Variants in GEMIN5 observed in about 807,000 individuals in gnomAD.
GEMIN5 encodes gem nuclear organelle associated protein 5.
Under a neutral mutation model 176.9 loss-of-function variants are expected in GEMIN5, and 124 were observed. The ratio of observed to expected loss-of-function variants is 0.70; its 90% confidence interval spans 0.61 to 0.81. GEMIN5 has a LOEUF of 0.81. Among genes scored for constraint, GEMIN5 ranks in the 40% least tolerant of loss-of-function variants. GEMIN5 has a pLI of 0.00. For missense variants in GEMIN5, 1,843 were observed against 1,814.6 expected, an observed-to-expected ratio of 1.02 and a Z score of -0.28; for synonymous variants, 673 against 665.2, an observed-to-expected ratio of 1.01 and a Z score of -0.18.
In GEMIN5 at chr5:154,899,303, T is replaced by C. The variant is rs1458076033; in HGVS notation, c.3022A>G (p.Ile1008Val). 6.2e-7 allele frequency: 1 copy of C among 1,610,752 alleles called. No individual in the cohort carries two copies. The highest frequency in any genetic ancestry group is 8.5e-7 in the Non-Finnish European group (1 of 1,178,384). ...LKSNHFYREA[I>V]AIAKARLRPE... ...CGCAGCCGGGCCTTGGCAATCGCAATAGCTTCCCTAAAGGCAAGAACAGAC... is the reference window on the plus strand; with the variant it reads ...CGCAGCCGGGCCTTGGCAATCGCAACAGCTTCCCTAAAGGCAAGAACAGAC... The change falls in exon 22 of 28, where the codon ATT (isoleucine) becomes GTT (valine). Residue 1008 changes from isoleucine (I) to valine (V), a missense_variant. Transcript: ENST00000285873.
chr5:154,907,754 C>G lies in GEMIN5; in HGVS notation c.2232G>C (p.Lys744Asn). The change falls in exon 16 of 28, where the codon AAG becomes AAC. Residue 744 changes from lysine to asparagine, a missense_variant. Coordinates refer to ENST00000285873, the MANE Select transcript of GEMIN5 (RefSeq NM_015465.5). ...LSQPKAKPKK[K>N]KKPTLRTPVK... ...CAGGAGTTCTCAAGGTGGGCTTTTT[C>G]TTCTTTTTGGGCTTTGCCTTAGGTT... The G allele has an allele frequency of 5.0e-6, 8 of 1,614,092 alleles. No individual in the cohort carries two copies. Among genetic ancestry groups the G allele is most frequent in the Non-Finnish European group, 6.8e-6 (8 of 1,180,006 alleles).
intron 13 of GEMIN5, among the ~76,000 whole-genome samples, chr5:154,914,904 T>C (rs113637815): frequency 4.7e-4 from 72 of 152,314 alleles, no homozygotes; most frequent in African/African-American, 1.6e-3. Flanking sequence ...ACATTAAAAA[T>C]TGTTGAATCT....
intron 26 of GEMIN5, among the ~76,000 whole-genome samples, chr5:154,890,944 C>T (rs1434104950): frequency 5.9e-5 from 9 of 151,644 alleles, no homozygotes; most frequent in East Asian, 1.9e-4. Flanking sequence ...TTAGTAGAGA[C>T]GGGGTTTCAC....
chr5:154,903,275 A>G (rs946675613), intron 18 of GEMIN5, 100 bp from the exon 19 acceptor site: 8 of 734,956 alleles, frequency 1.1e-5, no homozygotes, highest in Non-Finnish European at 1.9e-5. Flanking sequence ...CACCCACTTC[A>G]GACACTGAGA....
chr5:154,924,596 G>T, intron 8 of GEMIN5, 42 bp from the exon 9 acceptor site: 1 of 1,210,648 alleles, frequency 8.3e-7, no homozygotes, highest in Middle Eastern at 1.9e-4. Context: ...TAAGAAGTGG[G>T]GCATATAGTT....
In GEMIN5 at chr5:154,927,531, C is replaced by G; in HGVS notation, c.934G>C (p.Asp312His). The G allele has an allele frequency of 1.2e-6, 2 of 1,604,582 alleles. No homozygotes were observed. Among genetic ancestry groups the G allele is most frequent in the Non-Finnish European group, 1.7e-6 (2 of 1,172,398 alleles). ...TTCCGTCTCCAAGATTGAGTGAGATCCCATTGCAACAGTTCACCTCTGTGA... is the reference window on the plus strand; with the variant it reads ...TTCCGTCTCCAAGATTGAGTGAGATGCCATTGCAACAGTTCACCTCTGTGA... ...SCFGGELLQW[D>H]LTQSWRRKYT... Residue 312 changes from aspartate (D) to histidine (H), a missense_variant, in exon 7 of 28, where the codon GAT becomes CAT. Coordinates refer to ENST00000285873, the MANE Select transcript of GEMIN5 (RefSeq NM_015465.5).
At position 154,907,697 on chromosome 5, in the gene GEMIN5, T is replaced by C. The variant is rs1210844850; in HGVS notation, c.2289A>G (p.Glu763=). ...GTCCTGAGTTCTCCTTCATGCTTTC[T>C]TCTTCATTTCCATCAATCGATTCCA... is the stretch of plus-strand genomic sequence containing the variant. The part of the protein sequence containing the change: ...VKLESIDGNE[E]ESMKENSGPV... The change falls in exon 16 of 28, where the codon GAA becomes GAG. Residue 763 remains glutamate, a synonymous_variant. Transcript: ENST00000285873. 1.9e-6 allele frequency: 3 copies of C among 1,614,038 alleles called. No individual in the cohort carries two copies. In the African/African-American group the frequency reaches 4.0e-5, roughly 22 times the overall value.
chr5:154,913,949 T>A (rs1438669476), intron 13 of GEMIN5, among the ~76,000 whole-genome samples: 1 of 152,146 alleles, frequency 6.6e-6, no homozygotes, highest in East Asian at 1.9e-4. Context: ...TGTCATGAGC[T>A]ATAACTGCAC....
rs1763548705 is a variant in GEMIN5, at chr5:154,905,407, T to C, written c.2465A>G (p.Asn822Ser). The stretch of plus-strand genomic sequence containing the variant: ...CTCCTTTTTCAGTAAAATGACTTTG[T>C]TATTAATGGTGACTTTTGACTTTTC... ...GFEKSKVTIN[N>S]KVILLKKEPP... Residue 822 changes from asparagine to serine, a missense_variant, in exon 17 of 28, where the codon AAC becomes AGC. Asn to Ser is a conservative substitution (Grantham distance 46). Coordinates refer to ENST00000285873, the MANE Select transcript of GEMIN5 (RefSeq NM_015465.5). The C allele has an allele frequency of 2.2e-5, 36 of 1,609,448 alleles. No homozygotes were observed. The highest frequency in any genetic ancestry group is 4.0e-5 in the African/African-American group (3 of 74,872).
At chr5:154,919,790 T>G (rs1443104455) in intron 11 of GEMIN5, among the ~76,000 whole-genome samples, 177 bp downstream of exon 11, 1 of 152,224 alleles carries the variant, frequency 6.6e-6, no homozygotes, top group African/African-American at 2.4e-5. Context: ...TATTCGAGGA[T>G]AAAGACTCCT....
chr5:154,913,868 G>A (rs1763757381), intron 13 of GEMIN5, among the ~76,000 whole-genome samples: 1 of 152,058 alleles, frequency 6.6e-6, no homozygotes, highest in South Asian at 2.1e-4. Context: ...GGGCATGGTG[G>A]TATGTGCCTG....
Position 154,925,883 on chromosome 5 carries a change from G to A in GEMIN5, c.1272C>T (p.Gly424=), listed in dbSNP as rs1033659004. ...TTACCGCTGTAACCTTGGACTTCACGCCTTGCCAAAAATTTTTCACATCAT... is the reference window on the plus strand; with the variant it reads ...TTACCGCTGTAACCTTGGACTTCACACCTTGCCAAAAATTTTTCACATCAT... The part of the protein sequence containing the change: ...NNYDVKNFWQ[G]VKSKVTALCW... Residue 424 remains glycine, a synonymous_variant, in exon 8 of 28, where the codon GGC becomes GGT. Transcript: ENST00000285873. 11 of 1,610,638 alleles carry A rather than the reference G, an allele frequency of 6.8e-6. No individual in the cohort carries two copies. Among genetic ancestry groups the A allele is most frequent in the East Asian group, 2.2e-5 (1 of 44,880 alleles).
chr5:154,923,585 A>C (rs1305614660), intron 9 of GEMIN5, among the ~76,000 whole-genome samples: 1 of 152,208 alleles, frequency 6.6e-6, no homozygotes, highest in Non-Finnish European at 1.5e-5. Flanking sequence ...ATGTCCCAAT[A>C]AAATTTCACT....
chr5:154,892,595 G>A, intron 24 of GEMIN5, 46 bp from the exon 25 acceptor site: 1 of 1,575,380 alleles, frequency 6.3e-7, no homozygotes, highest in African/African-American at 1.3e-5. Flanking sequence ...TCCCACGGTA[G>A]GCGCAGAGGA....
chr5:154,928,733 AAC>A, intron 5 of GEMIN5, 74 bp from the exon 6 acceptor site: 6 of 1,350,892 alleles, frequency 4.4e-6, no homozygotes, highest in Non-Finnish European at 6.3e-6. Flanking sequence ...GGTGGTTCAT[AAC>A]ACACAGTCTG....
At position 154,917,060 on chromosome 5, in the gene GEMIN5, T is replaced by C. The variant is rs750747089; in HGVS notation, c.1793A>G (p.Tyr598Cys). ...ATTGTTGGAGCCAGAGGCCATCAGA[T>C]AGCTCAATTCTGGCTGGCTGCCATG... ...HEHGSQPELS[Y>C]LMASGSNNAV... The change falls in exon 13 of 28, where the codon TAT becomes TGT. Residue 598 changes from tyrosine (Y) to cysteine (C), a missense_variant. Transcript: ENST00000285873. 2.5e-6 allele frequency: 4 copies of C among 1,609,482 alleles called. No homozygotes were observed. The highest frequency in any genetic ancestry group is 2.2e-5 in the East Asian group (1 of 44,788).
chr5:154,931,589 G>T lies in GEMIN5; in HGVS notation c.662-12C>A. On this transcript the variant is annotated splice_polypyrimidine_tract_variant and intron_variant, in intron 4 of 27. Coordinates refer to ENST00000285873, the MANE Select transcript of GEMIN5 (RefSeq NM_015465.5). The stretch of plus-strand genomic sequence containing the variant: ...AATTTCAGCTTCTTCTATGAGATAG[G>T]TGGCAATTTTGTTTTTAATTTACAT... The T allele has an allele frequency of 6.3e-7, 1 of 1,576,896 alleles. No individual in the cohort carries two copies. The highest frequency in any genetic ancestry group is 8.6e-7 in the Non-Finnish European group (1 of 1,157,694).
In GEMIN5 at chr5:154,918,150, G is replaced by A. The variant is rs180840178; in HGVS notation, c.1600-146C>T. ...TAAATAATCTACATAATTAGTAAAA[G>A]GATTACTAAGAACATGCATTCTAAT... On this transcript the variant is annotated intron_variant, in intron 11 of 27. Coordinates refer to ENST00000285873, the MANE Select transcript of GEMIN5 (RefSeq NM_015465.5). The A allele has an allele frequency of 1.8e-3, 1,110 of 600,304 alleles. 13 individuals carry two copies. Among genetic ancestry groups the A allele is most frequent in the East Asian group, 0.015 (543 of 36,018 alleles). The allele number at this position is 600,304 out of a possible 1,614,324, so 37.2% of individuals were successfully genotyped here. A position where few individuals can be genotyped will look rare whatever the true frequency, so the allele number is the denominator to read the frequency against.
chr5:154,903,035 A>C (rs764039021), intron 19 of GEMIN5, 45 bp downstream of exon 19: 4 of 1,233,514 alleles, frequency 3.2e-6, no homozygotes, highest in Non-Finnish European at 4.7e-6. Context: ...AAATGTTGGG[A>C]AAGTATAAAG....
Sources: allele counts gnomAD v4.1 joint callset (sites outside exome capture counted in the v4.1 genomes callset), GRCh38; gene constraint gnomAD v4.1.1; transcripts MANE v1.5; gene names NCBI Gene and HGNC (gene_info 2026-07-23, HGNC 2026-07-21).